The following SP140 variants were observed in gnomAD, a reference collection of about 807,000 sequenced individuals.
SP140 encodes SP140 nuclear body protein.
Under a neutral mutation model 125.0 loss-of-function variants are expected in SP140, and 81 were observed. The observed-to-expected ratio is 0.65, with a 90% confidence interval of 0.54 to 0.78. The LOEUF (loss-of-function observed/expected upper bound fraction) is 0.78, where lower values mean the gene tolerates loss of function less well. SP140 is among the 30% of genes least tolerant of loss of function. The pLI, the probability that SP140 is intolerant of heterozygous loss-of-function variation, is 0.00. For missense variants in SP140, 858 were observed against 1,037.0 expected (o/e 0.83, Z 2.37); for synonymous variants, 312 against 354.0 (o/e 0.88, Z 1.33).
At chr2:230,190,966 G>A in the SP140 span, among the ~76,000 whole-genome samples, 401 of 152,260 alleles carry the variant, frequency 2.6e-3, 2 homozygotes, top group African/African-American at 8.6e-3. Context: ...TAGCCTTGTC[G>A]TATTGTTCAA....
Position 230,312,736 on chromosome 2 carries a change from C to T in SP140, c.*52C>T, listed in dbSNP as rs535831332. 26 of 1,367,182 alleles carry T rather than the reference C, an allele frequency of 1.9e-5. No homozygotes were observed. The highest frequency in any genetic ancestry group is 5.1e-5 in the Admixed American group (3 of 58,258). The allele number at this position is 1,367,182 out of a possible 1,614,324, so 84.7% of individuals were successfully genotyped here. A position where few individuals can be genotyped will look rare whatever the true frequency, so the allele number is the denominator to read the frequency against. The stretch of plus-strand genomic sequence containing the variant: ...CAGCAAATGGCACCCTAAAATATGC[C>T]GCTGGTTTGCCACTGACTTCAAAAT... On this transcript the variant is annotated 3_prime_UTR_variant, in exon 27 of 27. Coordinates refer to ENST00000392045, the MANE Select transcript of SP140 (RefSeq NM_007237.5).
At chr2:230,288,455 A>ATCTTTCTT (rs34638665) in intron 18 of SP140, among the ~76,000 whole-genome samples, 3,655 of 123,582 alleles carry the variant, frequency 0.03, 135 homozygotes, top group East Asian at 0.068. Context: ...TAGGCCAACT[A>ATCTTTCTT]TCTTTCTTTC....
upstream of SP140, among the ~76,000 whole-genome samples, chr2:230,198,761 A>AT (rs938277115): frequency 6.6e-6 from 1 of 151,624 alleles, no homozygotes; most frequent in East Asian, 1.9e-4. Flanking sequence ...GGCTCAGCTA[A>AT]TTTTTTTTGT....
rs1317560811 is a variant in SP140, at chr2:230,240,035, G to A, written c.407-1369G>A. Among the ~76,000 whole-genome samples the A allele has an allele frequency of 5.3e-5, 8 of 152,150 alleles. No homozygotes were observed. The East Asian group carries it at 7.7e-4, about 15-fold the overall frequency. On this transcript the variant is annotated intron_variant, in intron 3 of 26. Coordinates refer to ENST00000392045, the MANE Select transcript of SP140 (RefSeq NM_007237.5). ...TGGGTGACAGGTACCTGAGGCTCAC[G>A]ACTGCCCACTGCCTCAGACTATGAG...
At position 230,255,544 on chromosome 2, in the gene SP140, G is replaced by GTC. The variant is rs2051044132; in HGVS notation, c.1240+12_1240+13insTC. ...AAGACGTGGGTCAGGTAAGGACGGG[G>GTC]GGGGGGATTTCTGGCCCTGGGCTGC... On this transcript the variant is annotated intron_variant, in intron 12 of 26. Coordinates refer to ENST00000392045, the MANE Select transcript of SP140 (RefSeq NM_007237.5). 6.2e-7 allele frequency: 1 copy of GTC among 1,610,126 alleles called. No individual in the cohort carries two copies. Among genetic ancestry groups the GTC allele is most frequent in the African/African-American group, 1.3e-5 (1 of 74,722 alleles).
intron 22 of SP140, among the ~76,000 whole-genome samples, chr2:230,305,059 G>GA (rs1275288900): frequency 1.2e-4 from 19 of 152,226 alleles, no homozygotes; most frequent in South Asian, 2.1e-4. Context: ...CAATCAGCAA[G>GA]AAAAAATCAA....
chr2:230,315,426 C>T (rs1288902056), downstream of SP140, among the ~76,000 whole-genome samples: 4 of 152,122 alleles, frequency 2.6e-5, no homozygotes. Context: ...ACTCAAAGCC[C>T]TATCATAGCC....
chr2:230,223,663 C>A (rs1316449280), upstream of SP140, among the ~76,000 whole-genome samples: 1 of 152,188 alleles, frequency 6.6e-6, no homozygotes, highest in Non-Finnish European at 1.5e-5. Context: ...GACATAAAAA[C>A]AGTGAACATC....
At chr2:230,194,436 C>T in the SP140 span, among the ~76,000 whole-genome samples, 1 of 146,828 alleles carries the variant, frequency 6.8e-6, no homozygotes, top group African/African-American at 2.5e-5. Flanking sequence ...CTGGTCTATA[C>T]AAAAAATTTA....
rs138339396 is a variant in SP140, at chr2:230,255,494, G to T, written c.1202G>T (p.Arg401Leu). 3.7e-6 allele frequency: 6 copies of T among 1,613,306 alleles called. No homozygotes were observed. Among genetic ancestry groups the T allele is most frequent in the Admixed American group, 3.3e-5 (2 of 60,006 alleles). ...DCSEMCDGEE[R>L]QEASSSLARR... The stretch of plus-strand genomic sequence containing the variant: ...TCGGAAATGTGTGATGGAGAAGAGC[G>T]CCAGGAAGCCTCTAGCTCCCTAGCA... The change falls in exon 12 of 27, where the codon CGC (arginine) becomes CTC (leucine). Residue 401 changes from arginine to leucine, a missense_variant. This residue lies in a region of SP140 where 791 missense variants were observed against 869.5 expected (regional missense o/e 0.91). Coordinates refer to ENST00000392045, the MANE Select transcript of SP140 (RefSeq NM_007237.5).
At chr2:230,189,819 T>C in the SP140 span, among the ~76,000 whole-genome samples, 1 of 152,184 alleles carries the variant, frequency 6.6e-6, no homozygotes, top group East Asian at 1.9e-4. Flanking sequence ...CTGTGTTACT[T>C]TGCTGAGGAT....
At position 230,253,311 on chromosome 2, in the gene SP140, G is replaced by A. The variant is rs2050665260; in HGVS notation, c.1058-5G>A. The A allele has an allele frequency of 6.2e-7, 1 of 1,601,198 alleles. No individual in the cohort carries two copies. Among genetic ancestry groups the A allele is most frequent in the Non-Finnish European group, 8.6e-7 (1 of 1,168,464 alleles). ...GTGTCCAAGTCACCCTCTGTGGTCT[G>A]TCAGTTTCTTGTTTATCTGCAGAGA... is the stretch of plus-strand genomic sequence containing the variant. On this transcript the variant is annotated splice_region_variant and splice_polypyrimidine_tract_variant and intron_variant, in intron 10 of 26. Coordinates refer to ENST00000392045, the MANE Select transcript of SP140 (RefSeq NM_007237.5).
At chr2:230,223,186 A>T (rs916912364), upstream of SP140, among the ~76,000 whole-genome samples, 8 of 152,000 alleles carry the variant, frequency 5.3e-5, no homozygotes, top group African/African-American at 1.9e-4. Context: ...ACAGGCACGC[A>T]TCACCATACC....
In SP140 at chr2:230,275,939, TC is replaced by T. The variant is rs1283314432; in HGVS notation, c.1498+5301del. Among the ~76,000 whole-genome samples the T allele has an allele frequency of 7.2e-5, 11 of 152,160 alleles. No individual in the cohort carries two copies. In the South Asian group the frequency reaches 1.5e-3, roughly 20 times the overall value. Reference sequence around the variant, plus strand: ...CCTTAATCCAGAGTGAGGCCTAAACTCTCCTCAATTCTATGAAGGCTGAAAG... The same window carrying T: ...CCTTAATCCAGAGTGAGGCCTAAACTTCCTCAATTCTATGAAGGCTGAAAG... On this transcript the variant is annotated intron_variant, in intron 15 of 26. Coordinates refer to ENST00000392045, the MANE Select transcript of SP140 (RefSeq NM_007237.5).
intron 17 of SP140, among the ~76,000 whole-genome samples, chr2:230,287,445 TG>T (rs2056529459): frequency 6.6e-6 from 1 of 152,214 alleles, no homozygotes; most frequent in African/African-American, 2.4e-5. Flanking sequence ...TTTGTAGTTT[TG>T]TCTCAATTTT....
At chr2:230,286,977 T>C (rs1183581704) in intron 17 of SP140, among the ~76,000 whole-genome samples, 2 of 152,216 alleles carry the variant, frequency 1.3e-5, no homozygotes, top group Admixed American at 6.5e-5. Flanking sequence ...ATGGTGGTCA[T>C]TGGATGGTGG....
At chr2:230,257,781 A>G (rs2051484496) in intron 12 of SP140, among the ~76,000 whole-genome samples, 2 of 152,180 alleles carry the variant, frequency 1.3e-5, no homozygotes, top group African/African-American at 4.8e-5. Flanking sequence ...AAAAAAAGAA[A>G]AAATAAGGGG....
downstream of SP140, among the ~76,000 whole-genome samples, chr2:230,315,884 G>A (rs1176556061): frequency 6.6e-6 from 1 of 152,148 alleles, no homozygotes; most frequent in African/African-American, 2.4e-5. Flanking sequence ...CCCAATTATA[G>A]TTGCTGTGTC....
rs756840100 is a variant in SP140 at position 230,237,198 on chromosome 2, A to C, written c.175A>C (p.Arg59=). The change falls in exon 2 of 27, where the codon AGG becomes CGG. Residue 59 remains arginine (R), a synonymous_variant. Transcript: ENST00000392045. The surrounding 1 kb of genome is among the most constrained non-coding windows in gnomAD (Gnocchi z 5.4). ...GGTGGAGATTGCAAGTGCAATAACAAGGCCATTTCCTTTCCTTATGGGCCT... is the reference window on the plus strand; with the variant it reads ...GGTGGAGATTGCAAGTGCAATAACACGGCCATTTCCTTTCCTTATGGGCCT... The part of the protein sequence containing the change: ...NKVEIASAIT[R]PFPFLMGLRD... 5.0e-6 allele frequency: 8 copies of C among 1,613,638 alleles called. No individual in the cohort carries two copies. The Admixed American group carries it at 1.3e-4, about 27-fold the overall frequency.
Sources: gnomAD v4.1 joint callset for allele counts (sites outside exome capture counted in the v4.1 genomes callset) on GRCh38, gnomAD v4.1.1 for gene constraint, gnomAD v4.1.1 regional missense constraint, Gnocchi (gnomAD v3.1) non-coding constraint, MANE v1.5 for transcripts, NCBI Gene and HGNC (gene_info 2026-07-23, HGNC 2026-07-21) for gene names.